METTL14: variants seen among roughly 807,000 people sequenced by gnomAD.
METTL14 encodes methyltransferase 14, N6-adenosine-methyltransferase non-catalytic subunit, also known as N(6)-adenosine-methyltransferase non-catalytic subunit METTL14.
Under a neutral mutation model 62.4 loss-of-function variants are expected in METTL14, and 32 were observed. That is an observed-to-expected ratio of 0.51 (90% confidence interval 0.39 to 0.69). The LOEUF (loss-of-function observed/expected upper bound fraction) is 0.69. Ranked by LOEUF, METTL14 falls within the 30% of genes least tolerant of loss-of-function variation. The pLI is 0.00. For synonymous variants in METTL14, 150 were observed against 180.0 expected (o/e 0.83, Z 1.34); for missense variants, 340 against 551.9 (o/e 0.62, Z 3.85).
At chr4:118,695,032 A>G (rs926387398) in intron 6 of METTL14, among the ~76,000 whole-genome samples, 8 of 148,258 alleles carry the variant, frequency 5.4e-5, no homozygotes, top group African/African-American at 1.7e-4. Flanking sequence ...GGGTTTCACC[A>G]TGTTGCTCAG....
At chr4:118,703,462 AT>A (rs1156923234) in intron 8 of METTL14, among the ~76,000 whole-genome samples, 1 of 152,258 alleles carries the variant, frequency 6.6e-6, no homozygotes, top group Non-Finnish European at 1.5e-5. Context: ...TTACAGTTGT[AT>A]TAAAAATAGA....
At chr4:118,689,931 C>T (rs1387771028) in intron 3 of METTL14, among the ~76,000 whole-genome samples, 1 of 151,536 alleles carries the variant, frequency 6.6e-6, no homozygotes, top group African/African-American at 2.4e-5. Context: ...AGCCACCGTG[C>T]CCTGCCAGTT....
At chr4:118,686,731 A>G in intron 1 of METTL14, 1 of 444,682 alleles carries the variant, frequency 2.2e-6, no homozygotes, top group Non-Finnish European at 4.5e-6. Context: ...ACCACAGAAG[A>G]CGTTTTACTC....
chr4:118,707,582 T>G (rs1724791835), intron 10 of METTL14, among the ~76,000 whole-genome samples: 1 of 149,224 alleles, frequency 6.7e-6, no homozygotes, highest in South Asian at 2.1e-4. Context: ...AAGAATCACT[T>G]GAACCTGGGA....
rs1455805049 is a variant in METTL14, at chr4:118,687,937, T to C, written c.81T>C (p.Ser27=). ...TCTTTTCTCAGTTGGGAGCTGAAAG[T>C]GCCGACAGCATTGGTGCCGTGTTAA... ...QLLAQQLGAE[S]ADSIGAVLNS... The change falls in exon 2 of 11, where the codon AGT becomes AGC. Residue 27 remains serine, a synonymous_variant. Coordinates refer to ENST00000388822, the MANE Select transcript of METTL14 (RefSeq NM_020961.4). 1 of 1,613,892 alleles carries C rather than the reference T, an allele frequency of 6.2e-7. No individual in the cohort carries two copies. Among genetic ancestry groups the C allele is most frequent in the Admixed American group, 1.7e-5 (1 of 59,982 alleles).
In METTL14 at chr4:118,695,442, G is replaced by T. The variant is rs530328476; in HGVS notation, c.503+916G>T. On this transcript the variant is annotated intron_variant, in intron 6 of 10. Transcript: ENST00000388822. ...TGCACGCCTGTAATCCCAGCTACTC[G>T]AGAGGCTGAGGCAGTAGAATCGTTT... 2.0e-4 allele frequency among the ~76,000 whole-genome samples: 31 copies of T among 152,094 alleles called. No individual in the cohort carries two copies. The South Asian group carries it at 6.4e-3, about 32-fold the overall frequency.
intron 5 of METTL14, among the ~76,000 whole-genome samples, chr4:118,692,473 G>C (rs1227590328): frequency 2.6e-5 from 4 of 151,904 alleles, no homozygotes; most frequent in Admixed American, 2.6e-4. Flanking sequence ...TCACCATGTT[G>C]GCCAGGCTGG....
Position 118,688,025 on chromosome 4 carries a change from TTC to T in METTL14, c.155+16_155+17del, listed in dbSNP as rs755685160. On this transcript the variant is annotated intron_variant, in intron 2 of 10. Coordinates refer to ENST00000388822, the MANE Select transcript of METTL14 (RefSeq NM_020961.4). Reference sequence around the variant, plus strand: ...AGAAACTTGCAGGTCAGTCAGATAATTCTTTTTTTTTTTTTTTTTGAGACAGG... The same window carrying T: ...AGAAACTTGCAGGTCAGTCAGATAATTTTTTTTTTTTTTTTTTGAGACAGG... 2.0e-5 allele frequency: 31 copies of T among 1,553,056 alleles called. No individual in the cohort carries two copies. Among genetic ancestry groups the T allele is most frequent in the South Asian group, 7.0e-5 (6 of 85,642 alleles).
chr4:118,697,417 C>G, intron 7 of METTL14, 94 bp downstream of exon 7: 3 of 1,079,636 alleles, frequency 2.8e-6, no homozygotes, highest in South Asian at 1.8e-5. Context: ...ATCATCCCTA[C>G]TTTTGTAGGG....
chr4:118,688,141 A>T (rs982069774), intron 2 of METTL14, 130 bp downstream of exon 2: 2 of 714,420 alleles, frequency 2.8e-6, no homozygotes, highest in South Asian at 3.9e-5. Flanking sequence ...CTCAAGTGGT[A>T]CACCTGCCTT....
At chr4:118,698,542 A>G (rs750325742) in intron 7 of METTL14, among the ~76,000 whole-genome samples, 5 of 151,748 alleles carry the variant, frequency 3.3e-5, no homozygotes, top group Admixed American at 6.6e-5. Flanking sequence ...AGATGAAGGG[A>G]CGCTGAATTA....
At chr4:118,700,932 G>T (rs1451312223) in intron 8 of METTL14, among the ~76,000 whole-genome samples, 1 of 152,078 alleles carries the variant, frequency 6.6e-6, no homozygotes, top group Non-Finnish European at 1.5e-5. Flanking sequence ...CCTCAAAAAT[G>T]AGCTGCTTGG....
chr4:118,691,065 T>C (rs946189088), intron 3 of METTL14, among the ~76,000 whole-genome samples: 3 of 152,194 alleles, frequency 2.0e-5, no homozygotes, highest in African/African-American at 4.8e-5. Flanking sequence ...TATTGTCTTA[T>C]ATGTTGCAGT....
chr4:118,697,594 A>G (rs1299172752), intron 7 of METTL14, among the ~76,000 whole-genome samples: 2 of 152,152 alleles, frequency 1.3e-5, no homozygotes, highest in Admixed American at 6.5e-5. Flanking sequence ...GTCCTTGGCT[A>G]TATAGTTAGA....
At chr4:118,708,514 A>T (rs546847582) in intron 10 of METTL14, among the ~76,000 whole-genome samples, 2 of 152,344 alleles carry the variant, frequency 1.3e-5, no homozygotes, top group East Asian at 3.9e-4. Context: ...GCCAGGTAAT[A>T]CATAAAAGAC....
At chr4:118,702,000 C>T (rs1192796914) in intron 8 of METTL14, among the ~76,000 whole-genome samples, 3 of 151,870 alleles carry the variant, frequency 2.0e-5, no homozygotes, top group African/African-American at 7.3e-5. Context: ...AAAGTAAGAG[C>T]GAAACATACA....
chr4:118,692,184 C>T (rs894357784), intron 5 of METTL14, 116 bp downstream of exon 5: 56 of 640,148 alleles, frequency 8.7e-5, no homozygotes, highest in Non-Finnish European at 1.3e-4. Context: ...ATCTTTTTTT[C>T]GTTCTCAGTG....
At chr4:118,691,390 A>G in intron 3 of METTL14, 142 bp from the exon 4 acceptor site, 1 of 539,586 alleles carries the variant, frequency 1.9e-6, no homozygotes, top group Non-Finnish European at 3.2e-6. Context: ...TGGGAAAGCA[A>G]AGACTTCAAT....
intron 10 of METTL14, among the ~76,000 whole-genome samples, chr4:118,706,176 A>G (rs1432402896): frequency 6.6e-6 from 1 of 152,254 alleles, no homozygotes; most frequent in Non-Finnish European, 1.5e-5. Flanking sequence ...GGACAAATGT[A>G]TAATGACATC....
Sources: allele counts gnomAD v4.1 joint callset (sites outside exome capture counted in the v4.1 genomes callset), GRCh38; gene constraint gnomAD v4.1.1; transcripts MANE v1.5; gene names NCBI Gene and HGNC (gene_info 2026-07-23, HGNC 2026-07-21).